The following CDH13 variants were observed in gnomAD, a reference collection of about 807,000 sequenced individuals.
CDH13 encodes cadherin 13, also known as cadherin-13.
In CDH13, 24 loss-of-function variants were observed where a neutral mutation model predicts 63.8. That is an observed-to-expected ratio of 0.38 (90% CI 0.27 to 0.53). CDH13 has a LOEUF of 0.53. Among genes scored for constraint, CDH13 ranks in the 20% least tolerant of loss-of-function variants. The pLI is 0.85. For synonymous variants in CDH13, 503 were observed against 355.3 expected, an observed-to-expected ratio of 1.42 and a Z score of -4.67; for missense variants, 1,049 against 903.1, an observed-to-expected ratio of 1.16 and a Z score of -2.07.
At chr16:83,182,704 A>C (rs959521133) in intron 4 of CDH13, among the ~76,000 whole-genome samples, 10 of 152,222 alleles carry the variant, frequency 6.6e-5, no homozygotes, top group Admixed American at 5.2e-4. Context: ...GTATTTTCTC[A>C]TTTAATCTTC....
intron 6 of CDH13, among the ~76,000 whole-genome samples, chr16:83,409,301 T>TG (rs2092093223): frequency 1.7e-5 from 2 of 119,820 alleles, no homozygotes; most frequent in Non-Finnish European, 4.2e-5. Context: ...AGGCTGCTGC[T>TG]AGGGACATTA....
intron 5 of CDH13, among the ~76,000 whole-genome samples, chr16:83,257,710 A>G (rs1436844331): frequency 6.6e-6 from 1 of 152,202 alleles, no homozygotes; most frequent in Non-Finnish European, 1.5e-5. Context: ...GCTATTGTGA[A>G]TAGTGCTGCA....
chr16:83,436,944 T>A (rs543264489), intron 6 of CDH13, among the ~76,000 whole-genome samples: 1 of 151,238 alleles, frequency 6.6e-6, no homozygotes, highest in South Asian at 2.1e-4. Flanking sequence ...ATCACCACCA[T>A]TTTTTTTTAA....
Position 83,670,826 on chromosome 16 carries a change from A to C in CDH13, c.1138A>C (p.Ile380Leu). 6.2e-7 allele frequency: 1 copy of C among 1,613,980 alleles called. No homozygotes were observed. The highest frequency in any genetic ancestry group is 2.2e-5 in the East Asian group (1 of 44,882). Residue 380 changes from isoleucine (I) to leucine (L), a missense_variant, in exon 9 of 14, where the codon ATT becomes CTT. Coordinates refer to ENST00000567109, the MANE Select transcript of CDH13 (RefSeq NM_001257.5). Reference sequence around the variant, plus strand: ...AGTCGAGGAAGGAGCTGTGGGAGTTATTGTCAATTTGACAGTTGAAGATAA... The same window carrying C: ...AGTCGAGGAAGGAGCTGTGGGAGTTCTTGTCAATTTGACAGTTGAAGATAA... ...ATVEEGAVGVIVNLTVEDKDD... is the reference protein window; with the variant it reads ...ATVEEGAVGVLVNLTVEDKDD...
chr16:83,222,947 C>T (rs1415582041), intron 5 of CDH13, among the ~76,000 whole-genome samples: 1 of 152,012 alleles, frequency 6.6e-6, no homozygotes, highest in Non-Finnish European at 1.5e-5. Context: ...TTGTAGGAGG[C>T]TTAGCAGCAC....
intron 2 of CDH13, among the ~76,000 whole-genome samples, chr16:82,894,113 C>G (rs1205715779): frequency 6.6e-6 from 1 of 152,218 alleles, no homozygotes; most frequent in East Asian, 1.9e-4. Flanking sequence ...CTCCATGCAT[C>G]CGTTCCTTCA....
intron 3 of CDH13, among the ~76,000 whole-genome samples, chr16:83,097,005 G>C (rs748925833): frequency 9.9e-5 from 15 of 152,096 alleles, no homozygotes; most frequent in Non-Finnish European, 1.8e-4. Context: ...TCAAGATTGA[G>C]TGTACCTCTG....
chr16:83,545,389 C>T (rs2075368535), intron 7 of CDH13, among the ~76,000 whole-genome samples: 1 of 152,204 alleles, frequency 6.6e-6, no homozygotes, highest in Non-Finnish European at 1.5e-5. Flanking sequence ...TTAATTTTCA[C>T]CGTAACCAGC....
Position 83,783,276 on chromosome 16 carries a change from T to C in CDH13, c.1938T>C (p.Leu646=), listed in dbSNP as rs1331609699. 6.2e-7 allele frequency: 1 copy of C among 1,613,894 alleles called. No individual in the cohort carries two copies. The highest frequency in any genetic ancestry group is 1.1e-5 in the South Asian group (1 of 91,074). ...KINNTHALVS[L]LQNLNKANYN... is the part of the protein sequence containing the mutation. ...CAGATACACACGCCCTGGTAAGCCT[T>C]CTTCAAAATCTGAACAAAGCAAACT... Residue 646 remains leucine, a synonymous_variant, in exon 13 of 14, where the codon CTT becomes CTC. Coordinates refer to ENST00000567109, the MANE Select transcript of CDH13 (RefSeq NM_001257.5).
intron 1 of CDH13, among the ~76,000 whole-genome samples, chr16:82,680,474 T>C (rs1418437270): frequency 2.1e-5 from 3 of 141,580 alleles, no homozygotes; most frequent in Non-Finnish European, 4.5e-5. Flanking sequence ...GGTTGAGATC[T>C]GGTCTGGGAA....
intron 7 of CDH13, among the ~76,000 whole-genome samples, chr16:83,586,959 C>T (rs1567786565): frequency 6.6e-6 from 1 of 152,024 alleles, no homozygotes; most frequent in Non-Finnish European, 1.5e-5. Flanking sequence ...GCAGAAAGGC[C>T]ATGTCTCAAA....
intron 11 of CDH13, among the ~76,000 whole-genome samples, chr16:83,777,723 C>A (rs1369245986): frequency 5.9e-5 from 9 of 152,230 alleles, no homozygotes. Flanking sequence ...TTGCCTGCGT[C>A]CTGTATGCCA....
At chr16:83,793,619 C>T (rs1243520775) in intron 13 of CDH13, among the ~76,000 whole-genome samples, 1 of 152,140 alleles carries the variant, frequency 6.6e-6, no homozygotes, top group African/African-American at 2.4e-5. Flanking sequence ...AAGATGTACT[C>T]TTCATCCTAA....
At chr16:83,700,456 A>C (rs1906049312) in intron 10 of CDH13, among the ~76,000 whole-genome samples, 1 of 152,274 alleles carries the variant, frequency 6.6e-6, no homozygotes, top group African/African-American at 2.4e-5. Flanking sequence ...TTGCCTCAGC[A>C]GCTGCTTAAT....
intron 8 of CDH13, among the ~76,000 whole-genome samples, chr16:83,626,930 G>C (rs952694506): frequency 1.3e-5 from 2 of 152,076 alleles, no homozygotes; most frequent in Non-Finnish European, 2.9e-5. Context: ...CAACATCCTA[G>C]AGCATCTCAC....
At chr16:83,138,439 G>A (rs1420537397) in intron 4 of CDH13, among the ~76,000 whole-genome samples, 2 of 152,188 alleles carry the variant, frequency 1.3e-5, no homozygotes, top group Non-Finnish European at 2.9e-5. Context: ...ACGCCTAAGA[G>A]CAGGCAACGC....
At chr16:82,951,908 A>C (rs1009255261) in intron 2 of CDH13, among the ~76,000 whole-genome samples, 1 of 152,176 alleles carries the variant, frequency 6.6e-6, no homozygotes, top group African/African-American at 2.4e-5. Context: ...TGAGCCCCAT[A>C]AACCACTGCA....
intron 1 of CDH13, among the ~76,000 whole-genome samples, chr16:82,669,131 C>G (rs997567757): frequency 1.3e-5 from 2 of 152,186 alleles, no homozygotes; most frequent in African/African-American, 4.8e-5. Flanking sequence ...CAGGTATGAG[C>G]AATGCTGCCC....
At chr16:83,590,765 GC>G (rs950662974) in intron 7 of CDH13, among the ~76,000 whole-genome samples, 26 of 152,152 alleles carry the variant, frequency 1.7e-4, no homozygotes, top group African/African-American at 5.8e-4. Context: ...ACCGAAGTGT[GC>G]CCCTAAATCG....
Sources: allele counts gnomAD v4.1 joint callset (sites outside exome capture counted in the v4.1 genomes callset), GRCh38; gene constraint gnomAD v4.1.1; transcripts MANE v1.5; gene names NCBI Gene and HGNC (gene_info 2026-07-23, HGNC 2026-07-21).